The following USH2A variants were observed in gnomAD, a reference collection of about 807,000 sequenced individuals.
USH2A encodes usherin.
Under a neutral mutation model 538.9 loss-of-function variants are expected in USH2A, and 443 were observed. The ratio of observed to expected loss-of-function variants is 0.82; its 90% CI spans 0.76 to 0.89. The LOEUF is 0.89. Among genes scored for constraint, USH2A ranks in the 40% least tolerant of loss-of-function variants. The pLI is 0.00. For synonymous variants in USH2A, 2,413 were observed against 2,273.5 expected (o/e 1.06, Z -1.75); for missense variants, 6,633 against 6,324.8 (o/e 1.05, Z -1.65).
At chr1:216,346,299 G>GA (rs146908337) in intron 4 of USH2A, among the ~76,000 whole-genome samples, 1 of 151,898 alleles carries the variant, frequency 6.6e-6, no homozygotes, top group Non-Finnish European at 1.5e-5. Context: ...GACTCCTTGG[G>GA]AAAAAAAGGA....
rs557332589 is a variant in USH2A, at chr1:215,808,597, C to T, written c.9739+5139G>A. Among the ~76,000 whole-genome samples the T allele has an allele frequency of 7.2e-5, 11 of 152,200 alleles. No homozygotes were observed. In the South Asian group the frequency reaches 2.3e-3, roughly 32 times the overall value. On this transcript the variant is annotated intron_variant, in intron 49 of 71. Transcript: ENST00000307340. Reference sequence around the variant, plus strand: ...TGTATAGTCACATTCCCTTCCCATCCATTACCCTTGGCAATTGTCAACTTT... The same window carrying T: ...TGTATAGTCACATTCCCTTCCCATCTATTACCCTTGGCAATTGTCAACTTT...
chr1:215,636,560 G>T (rs1448026101), intron 69 of USH2A, among the ~76,000 whole-genome samples: 2 of 152,178 alleles, frequency 1.3e-5, no homozygotes, highest in Non-Finnish European at 2.9e-5. Context: ...TCTGTGTGTG[G>T]CACAGAGAGA....
At chr1:215,800,195 T>C (rs1662281490) in intron 49 of USH2A, among the ~76,000 whole-genome samples, 1 of 152,048 alleles carries the variant, frequency 6.6e-6, no homozygotes, top group South Asian at 2.1e-4. Flanking sequence ...GGATCTGAAA[T>C]CCAAGCTTCA....
intron 61 of USH2A, among the ~76,000 whole-genome samples, chr1:215,708,270 G>GT (rs533951192): frequency 5.3e-4 from 81 of 152,224 alleles, no homozygotes; most frequent in Admixed American, 9.8e-4. Flanking sequence ...CCCCACTAGA[G>GT]TAAGAGCTTC....
chr1:216,419,860 ATC>A (rs1202319809), intron 2 of USH2A, among the ~76,000 whole-genome samples: 8 of 152,060 alleles, frequency 5.3e-5, no homozygotes, highest in African/African-American at 1.7e-4. Context: ...TATCACTTGC[ATC>A]TATTTTTTTC....
intron 24 of USH2A, among the ~76,000 whole-genome samples, chr1:216,086,257 T>C (rs948351361): frequency 3.9e-5 from 6 of 152,156 alleles, no homozygotes; most frequent in Admixed American, 6.6e-5. Flanking sequence ...GTGACCTCTA[T>C]TGTGATAAAG....
intron 21 of USH2A, among the ~76,000 whole-genome samples, chr1:216,165,028 C>A (rs78902952): frequency 3.9e-5 from 6 of 152,104 alleles, no homozygotes; most frequent in Non-Finnish European, 7.4e-5. Flanking sequence ...GAACCTGCAC[C>A]ATTTACTACA....
chr1:216,050,560 T>TTTTC (rs67191347), intron 30 of USH2A, among the ~76,000 whole-genome samples: 4,074 of 35,688 alleles, frequency 0.11, 780 homozygotes, highest in East Asian at 0.17. Context: ...ATTTGTATCT[T>TTTTC]TTTCTTTCTT....
intron 38 of USH2A, among the ~76,000 whole-genome samples, chr1:215,932,865 T>C (rs571400847): frequency 1.3e-4 from 20 of 152,042 alleles, no homozygotes; most frequent in Non-Finnish European, 2.6e-4. Flanking sequence ...TTTTAGTTTC[T>C]TTCTATTTGT....
chr1:215,894,983 G>A (rs1665293210), intron 40 of USH2A, among the ~76,000 whole-genome samples: 1 of 152,072 alleles, frequency 6.6e-6, no homozygotes, highest in South Asian at 2.1e-4. Context: ...GGCTTTCCTG[G>A]CCCTCATGTT....
rs545128555 is a variant in USH2A at position 216,135,018 on chromosome 1, T to C, written c.4628-37805A>G. ...CATAATCTAGCCATCAGAATAGCTG[T>C]AGTTGATTCAAAGAAAGAGATGAAG... is the stretch of plus-strand genomic sequence containing the variant. On this transcript the variant is annotated intron_variant, in intron 21 of 71. Transcript: ENST00000307340. Among the ~76,000 whole-genome samples the C allele has an allele frequency of 1.1e-4, 17 of 152,152 alleles. No individual in the cohort carries two copies. The East Asian group carries it at 2.5e-3, about 23-fold the overall frequency.
intron 32 of USH2A, among the ~76,000 whole-genome samples, chr1:216,021,307 G>C (rs1207254559): frequency 6.6e-6 from 1 of 152,086 alleles, no homozygotes; most frequent in Non-Finnish European, 1.5e-5. Flanking sequence ...CATGGAGGCA[G>C]TTTCCCCCAT....
At chr1:215,950,503 CCT>C (rs1491092437) in intron 37 of USH2A, among the ~76,000 whole-genome samples, 1 of 134,356 alleles carries the variant, frequency 7.4e-6, no homozygotes, top group African/African-American at 2.7e-5. Flanking sequence ...ATAATTGCTA[CCT>C]TTTTTTTTTT....
intron 11 of USH2A, among the ~76,000 whole-genome samples, chr1:216,263,105 T>C (rs34136311): frequency 0.011 from 1,682 of 152,152 alleles, 20 homozygotes; most frequent in Non-Finnish European, 0.017. Context: ...AACAGAACAC[T>C]CACAAGTAAT....
intron 44 of USH2A, among the ~76,000 whole-genome samples, chr1:215,859,672 A>T (rs1321854293): frequency 6.6e-6 from 1 of 152,108 alleles, no homozygotes; most frequent in African/African-American, 2.4e-5. Flanking sequence ...CCTGGAACCA[A>T]TCGCCTGCAT....
At chr1:216,307,688 C>T (rs1038891954) in intron 9 of USH2A, among the ~76,000 whole-genome samples, 2 of 152,150 alleles carry the variant, frequency 1.3e-5, no homozygotes, top group Non-Finnish European at 2.9e-5. Flanking sequence ...ACTGGCAGTC[C>T]TACCCAAGGA....
chr1:216,226,114 C>T (rs903736373), intron 14 of USH2A, among the ~76,000 whole-genome samples: 1 of 152,166 alleles, frequency 6.6e-6, no homozygotes, highest in Non-Finnish European at 1.5e-5. Context: ...AATGAAATGA[C>T]CAGCACATTG....
intron 4 of USH2A, among the ~76,000 whole-genome samples, chr1:216,333,386 A>G (rs904099201): frequency 5.3e-5 from 8 of 152,102 alleles, no homozygotes; most frequent in African/African-American, 1.9e-4. Flanking sequence ...ATGAACTTGA[A>G]TACAGGTCAA....
At chr1:216,384,452 G>T (rs2038972353) in intron 3 of USH2A, among the ~76,000 whole-genome samples, 1 of 152,046 alleles carries the variant, frequency 6.6e-6, no homozygotes, top group African/African-American at 2.4e-5. Flanking sequence ...AATGAGAAAA[G>T]ATAATTCCTT....
Sources: allele counts gnomAD v4.1 joint callset (sites outside exome capture counted in the v4.1 genomes callset), GRCh38; gene constraint gnomAD v4.1.1; transcripts MANE v1.5; gene names NCBI Gene and HGNC (gene_info 2026-07-23, HGNC 2026-07-21).